Variants in ADAM22 observed in about 807,000 individuals in gnomAD.
The protein encoded by ADAM22 is ADAM metallopeptidase domain 22.
A neutral mutation model predicts 144.6 loss-of-function variants in ADAM22; 65 were observed. The ratio of observed to expected loss-of-function variants is 0.45; its 90% CI spans 0.37 to 0.55. The LOEUF is 0.55. Ranked by LOEUF, ADAM22 falls within the 20% of genes least tolerant of loss-of-function variation. The pLI is 0.00. For missense variants in ADAM22, 974 were observed against 1,184.9 expected, an observed-to-expected ratio of 0.82 and a Z score of 2.61; for synonymous variants, 391 against 412.6, an observed-to-expected ratio of 0.95 and a Z score of 0.63.
At chr7:88,126,487 A>G (rs1355192661) in intron 8 of ADAM22, among the ~76,000 whole-genome samples, 1 of 152,024 alleles carries the variant, frequency 6.6e-6, no homozygotes, top group Admixed American at 6.6e-5. Flanking sequence ...ATTGTGAATA[A>G]TTATTGCTAA....
At chr7:88,013,335 G>T (rs1292921070) in intron 3 of ADAM22, among the ~76,000 whole-genome samples, 1 of 152,208 alleles carries the variant, frequency 6.6e-6, no homozygotes, top group Non-Finnish European at 1.5e-5. Context: ...TTGTGAAAAT[G>T]AGGGTAATGA....
chr7:87,967,983 A>C (rs1414072794), intron 2 of ADAM22, among the ~76,000 whole-genome samples: 1 of 152,042 alleles, frequency 6.6e-6, no homozygotes, highest in Non-Finnish European at 1.5e-5. Flanking sequence ...AAACTTTTAA[A>C]ACTTTTATTA....
intron 30 of ADAM22, among the ~76,000 whole-genome samples, chr7:88,189,739 A>T (rs1000313652): frequency 6.6e-6 from 1 of 152,016 alleles, no homozygotes; most frequent in African/African-American, 2.4e-5. Context: ...AGGTCAGGAG[A>T]TTAAGACCAT....
intron 3 of ADAM22, among the ~76,000 whole-genome samples, chr7:88,039,950 T>C (rs1563083305): frequency 6.6e-6 from 1 of 151,810 alleles, no homozygotes; most frequent in Non-Finnish European, 1.5e-5. Context: ...TGTAGACATA[T>C]CCAAGCCTGA....
At chr7:88,055,713 G>C (rs1808066552) in intron 3 of ADAM22, among the ~76,000 whole-genome samples, 1 of 152,216 alleles carries the variant, frequency 6.6e-6, no homozygotes, top group Admixed American at 6.5e-5. Flanking sequence ...AGTTATGCCA[G>C]TGCCAGTTTC....
At chr7:88,052,236 G>T (rs1585274496) in intron 3 of ADAM22, among the ~76,000 whole-genome samples, 1 of 151,538 alleles carries the variant, frequency 6.6e-6, no homozygotes. Context: ...GGTGGCTCAC[G>T]CCTGTAATCC....
At position 88,057,127 on chromosome 7, in the gene ADAM22, C is replaced by CT. The variant is rs75042550; in HGVS notation, c.324-18486dup. Among the ~76,000 whole-genome samples, 1,379 of 148,162 alleles carry CT rather than the reference C, an allele frequency of 9.3e-3. 15 individuals are homozygous for CT. The highest frequency in any genetic ancestry group is 0.031 in the African/African-American group (1,276 of 40,558). On this transcript the variant is annotated intron_variant, in intron 3 of 31. Transcript: ENST00000413139. ...TAATGTCTACAGCACATTATTGAAT[C>CT]TTTTTTTTTTTTTCTTAAGACAGGG...
chr7:87,938,313 G>T (rs762137924), intron 2 of ADAM22, among the ~76,000 whole-genome samples: 12 of 146,576 alleles, frequency 8.2e-5, no homozygotes, highest in Non-Finnish European at 1.3e-4. Flanking sequence ...CCACCTCCTG[G>T]GTTCAAGCGA....
intron 3 of ADAM22, among the ~76,000 whole-genome samples, chr7:88,069,969 T>G (rs555722433): frequency 2.0e-4 from 30 of 152,300 alleles, no homozygotes; most frequent in Admixed American, 1.6e-3. Flanking sequence ...TTGTGGTTCT[T>G]GGGTTCATCC....
intron 3 of ADAM22, among the ~76,000 whole-genome samples, chr7:87,993,782 A>T (rs1278431565): frequency 6.6e-6 from 1 of 152,138 alleles, no homozygotes; most frequent in Non-Finnish European, 1.5e-5. Flanking sequence ...CTTTGGGGTA[A>T]CTCAAAGGAT....
chr7:88,137,390 C>CTA (rs1342793687), intron 14 of ADAM22, among the ~76,000 whole-genome samples: 1 of 152,148 alleles, frequency 6.6e-6, no homozygotes, highest in Non-Finnish European at 1.5e-5. Flanking sequence ...TCCTTTTCCC[C>CTA]TACTATTCAT....
chr7:88,039,335 T>A (rs994014079), intron 3 of ADAM22, among the ~76,000 whole-genome samples: 8 of 148,806 alleles, frequency 5.4e-5, no homozygotes, highest in African/African-American at 2.0e-4. Flanking sequence ...CCCAGCTACT[T>A]GGGAGGCTGA....
chr7:88,051,464 C>T (rs1037969196), intron 3 of ADAM22, among the ~76,000 whole-genome samples: 16 of 151,874 alleles, frequency 1.1e-4, no homozygotes, highest in African/African-American at 3.9e-4. Context: ...GAAAACCAGA[C>T]ACCGCATGTT....
intron 2 of ADAM22, among the ~76,000 whole-genome samples, chr7:87,938,207 ATTTTTTTTTTT>A (rs59698275): frequency 1.1e-4 from 8 of 75,572 alleles, no homozygotes; most frequent in South Asian, 4.6e-4. Flanking sequence ...ATACCCATAG[ATTTTTTTTTTT>A]TTTTTTTTTT....
At chr7:88,112,892 T>G (rs1490187311) in intron 5 of ADAM22, among the ~76,000 whole-genome samples, 1 of 152,102 alleles carries the variant, frequency 6.6e-6, no homozygotes. Flanking sequence ...TAAAAATTTT[T>G]TGTAGAGAGA....
chr7:88,030,691 G>GCT (rs528191113), intron 3 of ADAM22, among the ~76,000 whole-genome samples: 2 of 151,732 alleles, frequency 1.3e-5, no homozygotes, highest in South Asian at 2.1e-4. Flanking sequence ...CTCCCTCTTT[G>GCT]CTCTCTCTCT....
chr7:88,155,096 A>C (rs1839564216), intron 21 of ADAM22, among the ~76,000 whole-genome samples: 1 of 152,218 alleles, frequency 6.6e-6, no homozygotes, highest in African/African-American at 2.4e-5. Context: ...AAGAAAGGAT[A>C]ATGAGCCTTT....
Position 87,935,174 on chromosome 7 carries a change from C to G in ADAM22, c.234C>G (p.Leu78=). The G allele has an allele frequency of 6.2e-7, 1 of 1,606,364 alleles. No homozygotes were observed. Among genetic ancestry groups the G allele is most frequent in the Non-Finnish European group, 8.5e-7 (1 of 1,176,128 alleles). Residue 78 remains leucine (L), a synonymous_variant, in exon 2 of 32, where the codon CTC becomes CTG. Coordinates refer to ENST00000413139, the MANE Select transcript of ADAM22 (RefSeq NM_001324418.2). ...TCGACACGCGGGTGCGGGGCGACCT[C>G]GGTGGCCCGCAGGTGAGAGGCTCGG... is the stretch of plus-strand genomic sequence containing the variant. ...DALDTRVRGD[L]GGPQLTHVDQ...
intron 4 of ADAM22, among the ~76,000 whole-genome samples, chr7:88,079,248 G>T (rs553691970): frequency 6.6e-6 from 1 of 152,052 alleles, no homozygotes. Context: ...GCCAAACTAA[G>T]CTTCATAAGT....
Sources: gnomAD v4.1 joint callset for allele counts (sites outside exome capture counted in the v4.1 genomes callset) on GRCh38, gnomAD v4.1.1 for gene constraint, MANE v1.5 for transcripts, NCBI Gene and HGNC (gene_info 2026-07-23, HGNC 2026-07-21) for gene names.